The following PINX1 variants were observed in gnomAD, a reference collection of about 807,000 sequenced individuals.
PINX1 encodes PIN2/TERF1-interacting telomerase inhibitor 1.
A neutral mutation model predicts 25.4 loss-of-function variants in PINX1; 34 were observed. The ratio of observed to expected loss-of-function variants is 1.34; its 90% CI spans 1.02 to 1.78. The LOEUF is 1.78. PINX1 is among the 40% of genes most tolerant of loss of function. The probability of loss-of-function intolerance (pLI) is 0.00; values close to 1 mark genes in which losing one functional copy is unlikely to be tolerated. For synonymous variants in PINX1, 197 were observed against 147.7 expected, an observed-to-expected ratio of 1.33 and a Z score of -2.42; for missense variants, 592 against 404.9, an observed-to-expected ratio of 1.46 and a Z score of -3.97.
chr8:10,823,185 T>C (rs189613294), intron 5 of PINX1, among the ~76,000 whole-genome samples: 61 of 152,328 alleles, frequency 4.0e-4, no homozygotes, highest in African/African-American at 1.4e-3. Flanking sequence ...CGGGGCTGAC[T>C]GCGCTGTGAA....
intron 6 of PINX1, among the ~76,000 whole-genome samples, chr8:10,792,511 T>A (rs904663688): frequency 3.3e-5 from 5 of 151,962 alleles, no homozygotes; most frequent in African/African-American, 1.2e-4. Context: ...TTCTTCACAG[T>A]CCATGGTTAA....
intron 6 of PINX1, among the ~76,000 whole-genome samples, chr8:10,771,782 G>A (rs560290940): frequency 2.0e-4 from 31 of 152,304 alleles, no homozygotes; most frequent in African/African-American, 7.0e-4. Context: ...AGCATTTTGA[G>A]TGCAGATTCC....
intron 6 of PINX1, among the ~76,000 whole-genome samples, chr8:10,808,100 T>C (rs1222647168): frequency 6.6e-6 from 1 of 152,256 alleles, no homozygotes. Flanking sequence ...TATTGTACAC[T>C]ATTTGGCTTA....
At chr8:10,813,749 C>T (rs568723681) in intron 6 of PINX1, among the ~76,000 whole-genome samples, 1 of 152,146 alleles carries the variant, frequency 6.6e-6, no homozygotes, top group South Asian at 2.1e-4. Context: ...GAGCCCATGC[C>T]AGAAGCATGC....
At chr8:10,825,452 G>C (rs758804561) in intron 5 of PINX1, 1 of 534,652 alleles carries the variant, frequency 1.9e-6, no homozygotes, top group Non-Finnish European at 3.8e-6. Context: ...CTGTTCTACA[G>C]ACAAACTGGG....
At chr8:10,794,049 T>C (rs1356715859) in intron 6 of PINX1, among the ~76,000 whole-genome samples, 4 of 152,236 alleles carry the variant, frequency 2.6e-5, no homozygotes, top group Non-Finnish European at 5.9e-5. Flanking sequence ...TTTGAACAAA[T>C]GTAAACTGTT....
chr8:10,829,354 A>C (rs190761474), intron 4 of PINX1, among the ~76,000 whole-genome samples: 84 of 152,050 alleles, frequency 5.5e-4, no homozygotes, highest in African/African-American at 2.0e-3. Context: ...CCTTCAGAGT[A>C]AAGTAAATTT....
At chr8:10,832,140 T>C (rs999510161) in intron 3 of PINX1, among the ~76,000 whole-genome samples, 13 of 152,212 alleles carry the variant, frequency 8.5e-5, no homozygotes, top group Admixed American at 7.2e-4. Context: ...AAAATGCTCT[T>C]CTTTGCTTGG....
intron 6 of PINX1, among the ~76,000 whole-genome samples, chr8:10,779,659 C>A (rs1453203778): frequency 2.6e-5 from 4 of 152,046 alleles, no homozygotes; most frequent in Admixed American, 6.6e-5. Context: ...ATTTCTGGAA[C>A]CTGTTGATTC....
chr8:10,824,073 T>G (rs58332534), intron 5 of PINX1, among the ~76,000 whole-genome samples: 2,506 of 151,898 alleles, frequency 0.016, 77 homozygotes, highest in African/African-American at 0.057. Flanking sequence ...CTTTATTATC[T>G]ACAATGCTGA....
intron 6 of PINX1, among the ~76,000 whole-genome samples, chr8:10,769,745 G>A (rs531160283): frequency 4.0e-4 from 61 of 152,314 alleles, no homozygotes; most frequent in Middle Eastern, 3.4e-3. Flanking sequence ...CTGGAACACA[G>A]CAGGAGAGAG....
chr8:10,796,331 A>G (rs1237532504), intron 6 of PINX1, among the ~76,000 whole-genome samples: 1 of 152,182 alleles, frequency 6.6e-6, no homozygotes, highest in Non-Finnish European at 1.5e-5. Context: ...GGACAATAAA[A>G]GAGGTGCGAT....
At chr8:10,824,088 G>C (rs1304837799) in intron 5 of PINX1, among the ~76,000 whole-genome samples, 2 of 152,122 alleles carry the variant, frequency 1.3e-5, no homozygotes, top group African/African-American at 2.4e-5. Flanking sequence ...TGCTGAAAAA[G>C]CAAAAGTTCC....
chr8:10,790,659 T>A (rs975217511), intron 6 of PINX1, among the ~76,000 whole-genome samples: 8 of 152,186 alleles, frequency 5.3e-5, no homozygotes, highest in Non-Finnish European at 1.2e-4. Flanking sequence ...CAGCTCAGGC[T>A]GAGGCTCAGG....
chr8:10,834,627 T>C lies in PINX1; in HGVS notation c.129+39A>G, dbSNP rs368262913. Reference sequence around the variant, plus strand: ...GTTTTCCCCTAATTTCTAATCTCTTTTCATAGCTCAGATTTTTTTCCGCTT... The same window carrying C: ...GTTTTCCCCTAATTTCTAATCTCTTCTCATAGCTCAGATTTTTTTCCGCTT... On this transcript the variant is annotated intron_variant, in intron 2 of 6. Coordinates refer to ENST00000314787, the MANE Select transcript of PINX1 (RefSeq NM_017884.6). The C allele has an allele frequency of 6.2e-6, 10 of 1,606,124 alleles. No individual in the cohort carries two copies. In the Admixed American group the frequency reaches 6.8e-5, roughly 11 times the overall value.
chr8:10,798,479 T>C (rs940955094), intron 6 of PINX1, among the ~76,000 whole-genome samples: 3 of 152,160 alleles, frequency 2.0e-5, no homozygotes, highest in Non-Finnish European at 4.4e-5. Context: ...TTGATATATA[T>C]AAAAGAAAAT....
intron 6 of PINX1, among the ~76,000 whole-genome samples, chr8:10,792,152 G>A (rs1437770833): frequency 6.6e-6 from 1 of 152,152 alleles, no homozygotes; most frequent in Non-Finnish European, 1.5e-5. Flanking sequence ...CTCATTGGAT[G>A]ACAGCAGGCC....
chr8:10,832,834 T>G, intron 3 of PINX1, 58 bp downstream of exon 3: 1 of 971,382 alleles, frequency 1.0e-6, no homozygotes, highest in African/African-American at 1.6e-5. Flanking sequence ...AACTTTCAGA[T>G]TTACAAGACT....
intron 6 of PINX1, among the ~76,000 whole-genome samples, chr8:10,788,571 A>C (rs1293782110): frequency 6.6e-6 from 1 of 152,154 alleles, no homozygotes; most frequent in African/African-American, 2.4e-5. Flanking sequence ...TCTCAAAAAA[A>C]AAACAGGAAA....
Sources: allele counts gnomAD v4.1 joint callset (sites outside exome capture counted in the v4.1 genomes callset), GRCh38; gene constraint gnomAD v4.1.1; transcripts MANE v1.5; gene names NCBI Gene and HGNC (gene_info 2026-07-23, HGNC 2026-07-21).